RAD51B: variants seen among roughly 807,000 people sequenced by gnomAD.
RAD51B encodes the protein RAD51 paralog B, also known as DNA repair protein RAD51 homolog 2.
RAD51B carries 38 observed loss-of-function variants against 42.2 expected under a neutral mutation model. That is an observed-to-expected ratio of 0.90 (90% CI 0.70 to 1.18). The LOEUF is 1.18. Among genes scored for constraint, RAD51B ranks in the 50% most tolerant of loss-of-function variants. The pLI is 0.00. For missense variants in RAD51B, 373 were observed against 400.7 expected, an observed-to-expected ratio of 0.93 and a Z score of 0.59; for synonymous variants, 154 against 145.2, an observed-to-expected ratio of 1.06 and a Z score of -0.43.
At chr14:68,163,988 G>A (rs1032549602) in intron 7 of RAD51B, among the ~76,000 whole-genome samples, 2 of 152,100 alleles carry the variant, frequency 1.3e-5, no homozygotes. Context: ...GAGAAGAAAT[G>A]TTCTTGAAGA....
intron 9 of RAD51B, among the ~76,000 whole-genome samples, chr14:68,417,311 G>A (rs144410934): frequency 2.1e-4 from 32 of 152,304 alleles, no homozygotes; most frequent in Non-Finnish European, 3.4e-4. Flanking sequence ...GGAGAAGTTC[G>A]GCTGTGCTGC....
intron 7 of RAD51B, among the ~76,000 whole-genome samples, chr14:67,900,446 T>A (rs2043571538): frequency 6.6e-6 from 1 of 152,124 alleles, no homozygotes; most frequent in Non-Finnish European, 1.5e-5. Context: ...ACACAATACA[T>A]GCTGTTACTG....
At chr14:68,561,671 G>T (rs756570499) in intron 10 of RAD51B, among the ~76,000 whole-genome samples, 6 of 152,236 alleles carry the variant, frequency 3.9e-5, no homozygotes, top group Non-Finnish European at 7.3e-5. Flanking sequence ...CTGGAGAGAT[G>T]TTTACATCTG....
intron 8 of RAD51B, among the ~76,000 whole-genome samples, chr14:68,396,802 G>T (rs1307975133): frequency 6.6e-6 from 1 of 152,178 alleles, no homozygotes; most frequent in Non-Finnish European, 1.5e-5. Flanking sequence ...ATGAGGAAAA[G>T]AAAATGAATG....
chr14:68,331,576 A>G (rs1451834027), intron 8 of RAD51B, among the ~76,000 whole-genome samples: 2 of 152,032 alleles, frequency 1.3e-5, no homozygotes, highest in Admixed American at 6.6e-5. Flanking sequence ...GTTTTCATGC[A>G]TCCACATATC....
chr14:68,071,583 C>A (rs1342020767), intron 7 of RAD51B, among the ~76,000 whole-genome samples: 1 of 152,054 alleles, frequency 6.6e-6, no homozygotes, highest in Non-Finnish European at 1.5e-5. Context: ...TATGTTAAAC[C>A]AACCTTGCAT....
intron 7 of RAD51B, among the ~76,000 whole-genome samples, chr14:68,269,670 T>A (rs1280148881): frequency 2.0e-5 from 3 of 152,138 alleles, no homozygotes; most frequent in Non-Finnish European, 4.4e-5. Flanking sequence ...GACTAGGGGG[T>A]CTCACTCTAC....
chr14:68,673,876 G>A (rs1566969713), intron 11 of RAD51B, among the ~76,000 whole-genome samples: 3 of 137,754 alleles, frequency 2.2e-5, no homozygotes, highest in Non-Finnish European at 3.2e-5. Flanking sequence ...CACATACTGT[G>A]CACACACATG....
chr14:68,338,360 C>CTTT (rs2082500297), intron 8 of RAD51B, among the ~76,000 whole-genome samples: 1 of 152,198 alleles, frequency 6.6e-6, no homozygotes, highest in Non-Finnish European at 1.5e-5. Context: ...TGCTTTCTTT[C>CTTT]TTTTCTCTTT....
chr14:67,914,069 G>A (rs1387577485), intron 7 of RAD51B, among the ~76,000 whole-genome samples: 1 of 151,030 alleles, frequency 6.6e-6, no homozygotes, highest in Non-Finnish European at 1.5e-5. Flanking sequence ...TGCAACCTCC[G>A]CCTCCCATTT....
chr14:68,520,085 C>G (rs905415864), intron 10 of RAD51B, among the ~76,000 whole-genome samples: 1 of 150,948 alleles, frequency 6.6e-6, no homozygotes, highest in African/African-American at 2.5e-5. Context: ...GTTTGGACCC[C>G]AATTTTTACA....
intron 8 of RAD51B, among the ~76,000 whole-genome samples, chr14:68,335,212 G>A (rs980116320): frequency 1.4e-5 from 2 of 147,098 alleles, no homozygotes; most frequent in Non-Finnish European, 3.0e-5. Flanking sequence ...CAGGAGTATC[G>A]CTTGAACCCA....
At chr14:68,628,279 A>T (rs1892138412) in intron 10 of RAD51B, 1 of 152,260 alleles carries the variant, frequency 6.6e-6, no homozygotes, top group African/African-American at 2.4e-5. Context: ...CAGCCAGCAG[A>T]CTAGAGCCAG....
intron 7 of RAD51B, among the ~76,000 whole-genome samples, chr14:68,207,806 T>C (rs941517023): frequency 4.6e-5 from 7 of 152,146 alleles, no homozygotes; most frequent in Non-Finnish European, 8.8e-5. Context: ...GATATTTGGT[T>C]ACCAAAGGTT....
At chr14:68,663,861 C>T (rs1333970031) in intron 11 of RAD51B, among the ~76,000 whole-genome samples, 1 of 152,178 alleles carries the variant, frequency 6.6e-6, no homozygotes, top group Admixed American at 6.5e-5. Flanking sequence ...AAAATGGGAG[C>T]AGTAGTCCCC....
Position 68,433,518 on chromosome 14 carries a change from C to A in RAD51B, c.957+21991C>A, listed in dbSNP as rs533641648. 2.6e-5 allele frequency among the ~76,000 whole-genome samples: 4 copies of A among 152,296 alleles called. No individual in the cohort carries two copies. In the South Asian group the frequency reaches 8.3e-4, roughly 32 times the overall value. On this transcript the variant is annotated intron_variant, in intron 9 of 10. Transcript: ENST00000471583. ...CATTTGATCTTCAATCGCTGATACC[C>A]TTTCTTCCAGTTGATCGACTCGGCT...
intron 8 of RAD51B, among the ~76,000 whole-genome samples, chr14:68,358,409 C>T (rs906279474): frequency 2.0e-5 from 3 of 152,148 alleles, no homozygotes; most frequent in Admixed American, 1.3e-4. Context: ...TCGATGGGTC[C>T]GAGGCATGTT....
intron 3 of RAD51B, 110 bp from the exon 4 acceptor site, chr14:67,834,970 G>A: frequency 1.4e-6 from 1 of 739,452 alleles, no homozygotes; most frequent in Admixed American, 2.5e-5. Context: ...TAATAGAAGG[G>A]AAAAGGATGG....
intron 10 of RAD51B, among the ~76,000 whole-genome samples, chr14:68,496,349 C>G (rs186522140): frequency 1.5e-3 from 232 of 152,362 alleles, no homozygotes; most frequent in African/African-American, 5.4e-3. Context: ...ATTCCCTCCT[C>G]TCCTCTCTGC....
Sources: allele counts gnomAD v4.1 joint callset (sites outside exome capture counted in the v4.1 genomes callset), GRCh38; gene constraint gnomAD v4.1.1; transcripts MANE v1.5; gene names NCBI Gene and HGNC (gene_info 2026-07-23, HGNC 2026-07-21).